USHBP1: variants seen among roughly 807,000 people sequenced by gnomAD.
The protein encoded by USHBP1 is USH1 protein network component harmonin binding protein 1.
A neutral mutation model predicts 76.2 loss-of-function variants in USHBP1; 67 were observed. The ratio of observed to expected loss-of-function variants is 0.88; its 90% CI spans 0.72 to 1.08. The LOEUF is 1.08. Ranked by LOEUF, USHBP1 falls within the 50% of genes least tolerant of loss-of-function variation. The pLI is 0.00. For missense variants in USHBP1, 931 were observed against 915.0 expected (o/e 1.02, Z -0.23); for synonymous variants, 322 against 362.2 (o/e 0.89, Z 1.26).
rs147189922 is a variant in USHBP1 at position 17,250,475 on chromosome 19, G to A, written c.1923-61C>T. 2,681 of 1,552,872 alleles carry A rather than the reference G, an allele frequency of 1.7e-3. 41 individuals carry two copies. In the African/African-American group the frequency reaches 0.031, roughly 18 times the overall value. ...CCCGAGTCCACCCAAGGCAAGGGCC[G>A]TGTACTCCCACTCCCAGAATGGGGG... On this transcript the variant is annotated intron_variant, in intron 12 of 12. Coordinates refer to ENST00000252597, the MANE Select transcript of USHBP1 (RefSeq NM_031941.4).
chr19:17,259,674 T>C lies in USHBP1; in HGVS notation c.827A>G (p.Gln276Arg). The C allele has an allele frequency of 6.2e-7, 1 of 1,613,964 alleles. No individual in the cohort carries two copies. The change falls in exon 6 of 13, where the codon CAG becomes CGG. Residue 276 changes from glutamine to arginine, a missense_variant. By Grantham distance (43) the Gln-to-Arg change is conservative (BLOSUM62 1). Coordinates refer to ENST00000252597, the MANE Select transcript of USHBP1 (RefSeq NM_031941.4). Reference sequence around the variant, plus strand: ...CTGGTTGGGAAGAGACCCAAGGATCTGGGTGCTGGAATGGCTGCGGAGGCG... The same window carrying C: ...CTGGTTGGGAAGAGACCCAAGGATCCGGGTGCTGGAATGGCTGCGGAGGCG... ...LRRLRSHSST[Q>R]ILGSLPNQPL...
intron 12 of USHBP1, among the ~76,000 whole-genome samples, chr19:17,251,251 C>T (rs1270064153): frequency 1.3e-5 from 2 of 150,894 alleles, no homozygotes; most frequent in Admixed American, 6.7e-5. Flanking sequence ...CTCACCACAA[C>T]CTCCACCTCC....
Position 17,262,541 on chromosome 19 carries a change from G to GC in USHBP1, c.642+10dup, listed in dbSNP as rs762082429. On this transcript the variant is annotated intron_variant, in intron 4 of 12. Coordinates refer to ENST00000252597, the MANE Select transcript of USHBP1 (RefSeq NM_031941.4). ...AGAGAGCCACATGGGACTCAGGATGGCCCCACTCACCTCTTTCTGCAGCGT... is the reference window on the plus strand; with the variant it reads ...AGAGAGCCACATGGGACTCAGGATGGCCCCCACTCACCTCTTTCTGCAGCGT... 27 of 1,594,280 alleles carry GC rather than the reference G, an allele frequency of 1.7e-5. No individual in the cohort carries two copies. The highest frequency in any genetic ancestry group is 2.3e-5 in the Non-Finnish European group (27 of 1,168,528).
chr19:17,251,695 G>A lies in USHBP1; in HGVS notation c.1809C>T (p.Asp603=), dbSNP rs1222867288. The A allele has an allele frequency of 6.2e-7, 1 of 1,613,188 alleles. No homozygotes were observed. Among genetic ancestry groups the A allele is most frequent in the African/African-American group, 1.3e-5 (1 of 74,912 alleles). ...GCAGAGACTGCAGCTGCTCCTGCAGGTCCAGTGTCCTGTTGCGAAGGAGAA... is the reference window on the plus strand; with the variant it reads ...GCAGAGACTGCAGCTGCTCCTGCAGATCCAGTGTCCTGTTGCGAAGGAGAA... ...ELAASLTRTL[D]LQEQLQSLRR... The change falls in exon 12 of 13, where the codon GAC becomes GAT. Residue 603 remains aspartate (D), a synonymous_variant. Transcript: ENST00000252597.
intron 12 of USHBP1, 24 bp downstream of exon 12, chr19:17,251,558 T>C (rs1378831878): frequency 6.2e-7 from 1 of 1,612,406 alleles, no homozygotes; most frequent in Non-Finnish European, 8.5e-7. Flanking sequence ...CCAGGGGGAT[T>C]GGGGGGATGC....
chr19:17,258,100 T>C, intron 8 of USHBP1, 112 bp downstream of exon 8: 1 of 1,485,830 alleles, frequency 6.7e-7, no homozygotes, highest in Non-Finnish European at 9.2e-7. Context: ...ATACCGACCT[T>C]GCTGGACACA....
chr19:17,251,363 C>T (rs2073548951), intron 12 of USHBP1, among the ~76,000 whole-genome samples: 1 of 151,904 alleles, frequency 6.6e-6, no homozygotes, highest in East Asian at 1.9e-4. Flanking sequence ...GGGGTTTCAC[C>T]ACGTTGGCCA....
intron 4 of USHBP1, among the ~76,000 whole-genome samples, chr19:17,261,219 CCT>C (rs977267922): frequency 6.6e-6 from 1 of 152,150 alleles, no homozygotes; most frequent in African/African-American, 2.4e-5. Context: ...CCTGTTGCCC[CCT>C]GTGTTCCAGC....
At position 17,258,699 on chromosome 19, in the gene USHBP1, ACT is replaced by A. The variant is rs2073651520; in HGVS notation, c.1047-316_1047-315del. 1.2e-5 allele frequency: 3 copies of A among 256,612 alleles called. No homozygotes were observed. In the South Asian group the frequency reaches 1.2e-4, roughly 10 times the overall value. The allele number at this position is 256,612 out of a possible 1,614,324, so 15.9% of individuals were successfully genotyped here. On this transcript the variant is annotated intron_variant, in intron 7 of 12. Transcript: ENST00000252597. ...ACTCCAGCCTGGGTGACAGAGCAAG[ACT>A]CTGTCTCAAAAAAAAAAAAAAAAAG...
In USHBP1 at chr19:17,250,185, AC is replaced by A. The variant is rs2073531124; in HGVS notation, c.*39del. The A allele has an allele frequency of 1.9e-6, 3 of 1,565,496 alleles. No individual in the cohort carries two copies. The highest frequency in any genetic ancestry group is 2.6e-6 in the Non-Finnish European group (3 of 1,155,854). On this transcript the variant is annotated 3_prime_UTR_variant, in exon 13 of 13. Coordinates refer to ENST00000252597, the MANE Select transcript of USHBP1 (RefSeq NM_031941.4). ...ACTCCAGGACAGTTTATGACATGCC[AC>A]AGCTGTCTGGCATGTCCAGACATGG...
At chr19:17,257,114 G>A (rs1254568605) in intron 8 of USHBP1, among the ~76,000 whole-genome samples, 4 of 150,206 alleles carry the variant, frequency 2.7e-5, no homozygotes, top group African/African-American at 2.4e-5. Context: ...TCCACCTCTC[G>A]GGTTCACGCC....
rs914896294 is a variant in USHBP1, at chr19:17,250,112, C to G, written c.*113G>C. 9 of 1,304,962 alleles carry G rather than the reference C, an allele frequency of 6.9e-6. No individual in the cohort carries two copies. Among genetic ancestry groups the G allele is most frequent in the Non-Finnish European group, 9.4e-6 (9 of 961,712 alleles). The allele number at this position is 1,304,962 out of a possible 1,614,324, so 80.8% of individuals were successfully genotyped here. A position where few individuals can be genotyped will look rare whatever the true frequency, so the allele number is the denominator to read the frequency against. ...CACCCATGTGCACCAGCTTCCCTCA[C>G]GCCAAATGTGCCCCAACATGCCAAA... On this transcript the variant is annotated 3_prime_UTR_variant, in exon 13 of 13. Coordinates refer to ENST00000252597, the MANE Select transcript of USHBP1 (RefSeq NM_031941.4).
In USHBP1 at chr19:17,258,247, G is replaced by A. The variant is rs755819726; in HGVS notation, c.1185C>T (p.Ala395=). Residue 395 remains alanine (A), a synonymous_variant, in exon 8 of 13, where the codon GCC becomes GCT. Coordinates refer to ENST00000252597, the MANE Select transcript of USHBP1 (RefSeq NM_031941.4). ...AWRLLAQEEA[A]MDAGAQQNPQ... ...GATTCTGCTGTGCTCCTGCATCCAT[G>A]GCAGCCTCCTCTTGTGCCAGCAGCC... is the stretch of plus-strand genomic sequence containing the variant. 2 of 1,614,046 alleles carry A rather than the reference G, an allele frequency of 1.2e-6. No individual in the cohort carries two copies. Among genetic ancestry groups the A allele is most frequent in the Non-Finnish European group, 1.7e-6 (2 of 1,180,028 alleles).
intron 4 of USHBP1, 133 bp downstream of exon 4, chr19:17,262,419 A>C: frequency 9.7e-7 from 1 of 1,029,912 alleles, no homozygotes; most frequent in Non-Finnish European, 1.4e-6. Context: ...AAGTGCTGGG[A>C]TTATAGGTGT....
intron 10 of USHBP1, among the ~76,000 whole-genome samples, chr19:17,253,578 C>T (rs571679577): frequency 3.5e-4 from 52 of 149,414 alleles, no homozygotes; most frequent in Non-Finnish European, 5.9e-4. Flanking sequence ...TGTGAGCCAC[C>T]GTGCCTGGCC....
intron 4 of USHBP1, 51 bp downstream of exon 4, chr19:17,262,500 AC>A: frequency 6.5e-7 from 1 of 1,540,748 alleles, no homozygotes; most frequent in Non-Finnish European, 8.7e-7. Flanking sequence ...CATCAGGCCC[AC>A]CTCCTCCCTC....
At position 17,259,743 on chromosome 19, in the gene USHBP1, G is replaced by A; in HGVS notation, c.769-11C>T. 6.2e-7 allele frequency: 1 copy of A among 1,606,066 alleles called. No individual in the cohort carries two copies. Among genetic ancestry groups the A allele is most frequent in the Non-Finnish European group, 8.5e-7 (1 of 1,176,564 alleles). Reference sequence around the variant, plus strand: ...CAGGGAGAAGGAGTCCTGCCAAGAAGAAGTGATATAACTGACCCCAATTGT... The same window carrying A: ...CAGGGAGAAGGAGTCCTGCCAAGAAAAAGTGATATAACTGACCCCAATTGT... On this transcript the variant is annotated splice_polypyrimidine_tract_variant and intron_variant, in intron 5 of 12. Coordinates refer to ENST00000252597, the MANE Select transcript of USHBP1 (RefSeq NM_031941.4).
Position 17,250,124 on chromosome 19 carries a change from C to G in USHBP1, c.*101G>C. On this transcript the variant is annotated 3_prime_UTR_variant, in exon 13 of 13. Coordinates refer to ENST00000252597, the MANE Select transcript of USHBP1 (RefSeq NM_031941.4). ...CCAGCTTCCCTCACGCCAAATGTGC[C>G]CCAACATGCCAAATCATGCAACATG... The G allele has an allele frequency of 7.1e-7, 1 of 1,402,226 alleles. No homozygotes were observed. The highest frequency in any genetic ancestry group is 9.6e-7 in the Non-Finnish European group (1 of 1,044,350). The allele number at this position is 1,402,226 out of a possible 1,614,324, so 86.9% of individuals were successfully genotyped here.
In USHBP1 at chr19:17,255,509, G is replaced by C; in HGVS notation, c.1568C>G (p.Ala523Gly). ...REAALRALGP[A>G]HVLLLEQLRW... ...CAGCTGCTCCAGCAGGAGCACGTGA[G>C]CTGGACCCAGGGCTCGGAGGGCAGC... Residue 523 changes from alanine (A) to glycine (G), a missense_variant, in exon 10 of 13, where the codon GCT (alanine) becomes GGT (glycine). Physicochemically the swap from Ala to Gly is moderately conservative, Grantham distance 60 (BLOSUM62 0). Coordinates refer to ENST00000252597, the MANE Select transcript of USHBP1 (RefSeq NM_031941.4). 1 of 1,613,926 alleles carries C rather than the reference G, an allele frequency of 6.2e-7. No homozygotes were observed. The highest frequency in any genetic ancestry group is 1.6e-4 in the Middle Eastern group (1 of 6,062).
Sources: gnomAD v4.1 joint callset for allele counts (sites outside exome capture counted in the v4.1 genomes callset) on GRCh38, gnomAD v4.1.1 for gene constraint, MANE v1.5 for transcripts, NCBI Gene and HGNC (gene_info 2026-07-23, HGNC 2026-07-21) for gene names.